The following CFAP299 variants were observed in gnomAD, a reference collection of about 807,000 sequenced individuals.
The protein encoded by CFAP299 is cilia and flagella associated protein 299.
CFAP299 carries 21 observed loss-of-function variants against 27.0 expected under a neutral mutation model. The observed-to-expected ratio is 0.78, with a 90% confidence interval of 0.55 to 1.12. The LOEUF (loss-of-function observed/expected upper bound fraction) is 1.12. Among genes scored for constraint, CFAP299 ranks in the 50% most tolerant of loss-of-function variants. The pLI is 0.00. For synonymous variants in CFAP299, 104 were observed against 98.1 expected (o/e 1.06, Z -0.36); for missense variants, 310 against 276.6 (o/e 1.12, Z -0.86).
intron 2 of CFAP299, among the ~76,000 whole-genome samples, chr4:80,381,998 T>G (rs144336873): frequency 1.8e-4 from 28 of 152,280 alleles, no homozygotes; most frequent in African/African-American, 6.3e-4. Context: ...ACAAAAAGAT[T>G]TTAAAAGATG....
chr4:80,691,276 T>A (rs1231236527), intron 3 of CFAP299, among the ~76,000 whole-genome samples: 3 of 133,316 alleles, frequency 2.3e-5, no homozygotes, highest in African/African-American at 6.0e-5. Context: ...TTGATGAACA[T>A]TGATGCAAAA....
chr4:80,681,773 C>T lies in CFAP299; in HGVS notation c.333+98590C>T, dbSNP rs866620842. Among the ~76,000 whole-genome samples the T allele has an allele frequency of 4.4e-4, 67 of 152,246 alleles. No individual in the cohort carries two copies. In the Middle Eastern group the frequency reaches 0.014, roughly 31 times the overall value. On this transcript the variant is annotated intron_variant, in intron 3 of 5. Transcript: ENST00000358105. The stretch of plus-strand genomic sequence containing the variant: ...TCCTGAGCAGTGACTATCAAATATT[C>T]TGTAAAGTCTTCTAAGCCCATGAAT...
chr4:80,738,865 T>C (rs1436555500), intron 3 of CFAP299, among the ~76,000 whole-genome samples: 1 of 152,022 alleles, frequency 6.6e-6, no homozygotes, highest in Non-Finnish European at 1.5e-5. Flanking sequence ...TCCCAGGTGT[T>C]ATACTTTAAT....
chr4:80,452,193 T>C (rs528579156), intron 2 of CFAP299, among the ~76,000 whole-genome samples: 1 of 152,072 alleles, frequency 6.6e-6, no homozygotes, highest in South Asian at 2.1e-4. Flanking sequence ...TAGTAAAATG[T>C]TGCAACCTGA....
chr4:80,864,432 A>AGG lies in CFAP299; in HGVS notation c.334-5561_334-5560insGG, dbSNP rs1560452724. Among the ~76,000 whole-genome samples, 267 of 118,948 alleles carry AGG rather than the reference A, an allele frequency of 2.2e-3. 1 individual carries two copies. Among genetic ancestry groups the AGG allele is most frequent in the African/African-American group, 9.2e-3 (257 of 27,856 alleles). The allele number at this position is 118,948 out of a possible 152,430, so 78.0% of individuals were successfully genotyped here. A position where few individuals can be genotyped will look rare whatever the true frequency, so the allele number is the denominator to read the frequency against. On this transcript the variant is annotated intron_variant, in intron 3 of 5. Transcript: ENST00000358105. ...TGTGTGTATGTGTATATATATAGGT[A>AGG]TATATATATATATATACCTATATAA...
At chr4:80,799,139 T>A (rs1280378094) in intron 3 of CFAP299, among the ~76,000 whole-genome samples, 8 of 122,090 alleles carry the variant, frequency 6.6e-5, no homozygotes, top group African/African-American at 1.8e-4. Flanking sequence ...TATTTATATA[T>A]ATATTATATA....
intron 4 of CFAP299, among the ~76,000 whole-genome samples, chr4:80,907,620 T>G (rs1401077241): frequency 1.3e-5 from 2 of 152,044 alleles, no homozygotes; most frequent in African/African-American, 4.8e-5. Flanking sequence ...GGAAGGAGAA[T>G]TGCAGAGTGA....
intron 1 of CFAP299, among the ~76,000 whole-genome samples, chr4:80,354,209 T>G (rs1723150248): frequency 6.6e-6 from 1 of 152,114 alleles, no homozygotes; most frequent in South Asian, 2.1e-4. Context: ...ACAAATCAAA[T>G]TAGGATTTCA....
At chr4:80,587,265 C>A (rs1046873212) in intron 3 of CFAP299, among the ~76,000 whole-genome samples, 1 of 151,984 alleles carries the variant, frequency 6.6e-6, no homozygotes, top group Non-Finnish European at 1.5e-5. Context: ...ATTACATCAA[C>A]GTTTGGGGGA....
intron 2 of CFAP299, among the ~76,000 whole-genome samples, chr4:80,388,912 A>G (rs1205924387): frequency 6.6e-6 from 1 of 152,144 alleles, no homozygotes; most frequent in East Asian, 1.9e-4. Flanking sequence ...AAGTATTAAT[A>G]GTGTACCTTC....
At chr4:80,773,358 C>CA (rs1477282526) in intron 3 of CFAP299, among the ~76,000 whole-genome samples, 1 of 151,980 alleles carries the variant, frequency 6.6e-6, no homozygotes, top group Non-Finnish European at 1.5e-5. Flanking sequence ...CTGAAAATGC[C>CA]AAAAAATGAT....
At chr4:80,539,269 G>A (rs558459763) in intron 2 of CFAP299, among the ~76,000 whole-genome samples, 7 of 152,242 alleles carry the variant, frequency 4.6e-5, no homozygotes, top group Middle Eastern at 3.4e-3. Context: ...AGTGTCAAAC[G>A]TGGAGACAAC....
At position 80,839,589 on chromosome 4, in the gene CFAP299, T is replaced by C. The variant is rs1730753119; in HGVS notation, c.334-30404T>C. On this transcript the variant is annotated intron_variant, in intron 3 of 5. Transcript: ENST00000358105. ...TAAAATGACCACTACAGCAATTTCT[T>C]TCCTGCAAACCCTATTGCTAGAATA... is the stretch of plus-strand genomic sequence containing the variant. Among the ~76,000 whole-genome samples, 7 of 152,132 alleles carry C rather than the reference T, an allele frequency of 4.6e-5. 1 individual carries two copies. Among genetic ancestry groups the C allele is most frequent in the Admixed American group, 4.6e-4 (7 of 15,242 alleles).
intron 2 of CFAP299, among the ~76,000 whole-genome samples, chr4:80,428,160 G>T (rs1307318670): frequency 6.6e-6 from 1 of 152,082 alleles, no homozygotes; most frequent in African/African-American, 2.4e-5. Flanking sequence ...CCCTGTTTTT[G>T]TTACCTCTTT....
At chr4:80,846,860 G>A (rs1341319175) in intron 3 of CFAP299, among the ~76,000 whole-genome samples, 1 of 152,116 alleles carries the variant, frequency 6.6e-6, no homozygotes, top group East Asian at 1.9e-4. Context: ...GCAAAGTGCT[G>A]AGTGCCTATC....
rs557201715 is a variant in CFAP299, at chr4:80,647,053, T to C, written c.333+63870T>C. Among the ~76,000 whole-genome samples the C allele has an allele frequency of 9.9e-5, 15 of 151,990 alleles. 1 individual carries two copies. In the South Asian group the frequency reaches 3.1e-3, roughly 32 times the overall value. On this transcript the variant is annotated intron_variant, in intron 3 of 5. Transcript: ENST00000358105. ...AGGTAAATAGATATAGATGTACATA[T>C]AGATGTAGATAGATACAGATAAGAT...
chr4:80,569,857 G>T (rs1735497966), intron 2 of CFAP299, among the ~76,000 whole-genome samples: 1 of 151,950 alleles, frequency 6.6e-6, no homozygotes, highest in East Asian at 1.9e-4. Flanking sequence ...ATGATTGGAA[G>T]CTACAGTATC....
At chr4:80,962,041 A>C (rs146397978) in intron 5 of CFAP299, among the ~76,000 whole-genome samples, 200 of 152,074 alleles carry the variant, frequency 1.3e-3, no homozygotes, top group African/African-American at 4.7e-3. Flanking sequence ...CTGCAAAGTT[A>C]AATTTCTATT....
rs1418789902 is a variant in CFAP299 at position 80,955,011 on chromosome 4, A to C, written c.607-8506A>C. 9.3e-5 allele frequency among the ~76,000 whole-genome samples: 11 copies of C among 118,792 alleles called. 1 individual carries two copies. Among genetic ancestry groups the C allele is most frequent in the East Asian group, 4.4e-4 (2 of 4,540 alleles). 77.9% of individuals were successfully genotyped at this position (118,792 alleles called of 152,430 possible). Reference sequence around the variant, plus strand: ...CAAGACTCCATCAAAAAAAAAAAAAAAAAAAAAAAAAAAAAAAAAAAAACG... The same window carrying C: ...CAAGACTCCATCAAAAAAAAAAAAACAAAAAAAAAAAAAAAAAAAAAAACG... On this transcript the variant is annotated intron_variant, in intron 5 of 5. Transcript: ENST00000358105.
Sources: allele counts gnomAD v4.1 joint callset (sites outside exome capture counted in the v4.1 genomes callset), GRCh38; gene constraint gnomAD v4.1.1; transcripts MANE v1.5; gene names NCBI Gene and HGNC (gene_info 2026-07-23, HGNC 2026-07-21).